Variants in DNAH14 observed in about 807,000 individuals in gnomAD.
DNAH14 encodes the protein dynein axonemal heavy chain 14.
DNAH14 carries 478 observed loss-of-function variants against 520.9 expected under a neutral mutation model. The ratio of observed to expected loss-of-function variants is 0.92; its 90% confidence interval spans 0.85 to 0.99. The LOEUF (loss-of-function observed/expected upper bound fraction) is 0.99, where lower values mean the gene tolerates loss of function less well. DNAH14 is among the 50% of genes least tolerant of loss of function. The probability of loss-of-function intolerance (pLI) is 0.00; values close to 1 mark genes in which losing one functional copy is unlikely to be tolerated. For missense variants in DNAH14, 4,831 were observed against 5,234.5 expected (o/e 0.92, Z 2.38); for synonymous variants, 1,581 against 1,757.2 (o/e 0.90, Z 2.51).
At chr1:225,382,303 A>T (rs1401630704) in intron 81 of DNAH14, among the ~76,000 whole-genome samples, 2 of 152,240 alleles carry the variant, frequency 1.3e-5, no homozygotes, top group Non-Finnish European at 2.9e-5. Flanking sequence ...ATGGGAATGA[A>T]AAATGGTGCA....
intron 9 of DNAH14, among the ~76,000 whole-genome samples, chr1:225,005,890 T>C (rs547907915): frequency 6.6e-6 from 1 of 152,256 alleles, no homozygotes; most frequent in Admixed American, 6.5e-5. Flanking sequence ...ATTTCTTCCT[T>C]ATAGATTCTG....
rs191127172 is a variant in DNAH14 at position 225,202,345 on chromosome 1, C to T, written c.5887-1838C>T. ...GGCTAGGCGTGTCTGAGCTCAGACT[C>T]TCCTTGGGCGGGTCTTGCTGTGGCT... On this transcript the variant is annotated intron_variant, in intron 38 of 85. Coordinates refer to ENST00000682510, the MANE Select transcript of DNAH14 (RefSeq NM_001367479.1). 3.4e-3 allele frequency among the ~76,000 whole-genome samples: 515 copies of T among 152,246 alleles called. 4 individuals are homozygous for T. Among genetic ancestry groups the T allele is most frequent in the African/African-American group, 0.012 (498 of 41,558 alleles).
Position 225,185,325 on chromosome 1 carries a change from G to T in DNAH14, c.5570G>T (p.Gly1857Val). Residue 1857 changes from glycine to valine, a missense_variant, in exon 37 of 86, where the codon GGT (glycine) becomes GTT (valine). Coordinates refer to ENST00000682510, the MANE Select transcript of DNAH14 (RefSeq NM_001367479.1). The stretch of plus-strand genomic sequence containing the variant: ...GGTGTGATGTTAGTGGGCCCAACAG[G>T]TGGAGGAAAGACAACAGTCAGAAGA... Reference protein sequence around the residue: ...CVGVMLVGPTGGGKTTVRRIL... With the variant: ...CVGVMLVGPTVGGKTTVRRIL... 5.2e-6 allele frequency: 8 copies of T among 1,546,966 alleles called. No homozygotes were observed. In the Admixed American group the frequency reaches 6.0e-5, roughly 12 times the overall value.
At chr1:225,308,081 TGA>T (rs1334666135) in intron 59 of DNAH14, among the ~76,000 whole-genome samples, 1 of 152,252 alleles carries the variant, frequency 6.6e-6, no homozygotes, top group Non-Finnish European at 1.5e-5. Flanking sequence ...GAGGCGCAGC[TGA>T]GAGCTGGCCA....
chr1:225,110,569 T>C (rs2148816012), intron 23 of DNAH14, among the ~76,000 whole-genome samples: 1 of 151,944 alleles, frequency 6.6e-6, no homozygotes, highest in Admixed American at 6.6e-5. Flanking sequence ...TCTTTCTTTT[T>C]TTTTCTTAGT....
chr1:225,023,083 T>C lies in DNAH14; in HGVS notation c.1108-532T>C, dbSNP rs533048082. Among the ~76,000 whole-genome samples the C allele has an allele frequency of 3.3e-5, 5 of 152,226 alleles. 1 individual carries two copies. The South Asian group carries it at 1.0e-3, about 32-fold the overall frequency. On this transcript the variant is annotated intron_variant, in intron 10 of 85. Transcript: ENST00000682510. ...GATGGGAACAACAGACACTGGAGAC[T>C]GCTTGAGGGAGGAGGGTGAGGGGAA... is the stretch of plus-strand genomic sequence containing the variant.
At chr1:225,329,873 A>C (rs1157811051) in intron 64 of DNAH14, among the ~76,000 whole-genome samples, 2 of 152,276 alleles carry the variant, frequency 1.3e-5, no homozygotes, top group East Asian at 3.9e-4. Context: ...TGGCCCACAG[A>C]ATAGGAGAAA....
rs1391270179 is a variant in DNAH14, at chr1:225,358,535, AGAAAGTTTATAACT to A, written c.11664_11677del (p.Phe3889AsnfsTer4). Reference sequence around the variant, plus strand: ...ACCAGAAAGTTTAAACAATTCAGTGAGAAAGTTTATAACTGAAAAAATGGGAAATAAGTATCTTC... The same window carrying A: ...ACCAGAAAGTTTAAACAATTCAGTGAGAAAAAATGGGAAATAAGTATCTTC... On this transcript the variant is annotated frameshift_variant, in exon 74 of 86. Coordinates refer to ENST00000682510, the MANE Select transcript of DNAH14 (RefSeq NM_001367479.1). LOFTEE classifies it high-confidence loss of function. 6.5e-7 allele frequency: 1 copy of A among 1,543,448 alleles called. No homozygotes were observed. Among genetic ancestry groups the A allele is most frequent in the Non-Finnish European group, 8.7e-7 (1 of 1,143,638 alleles).
chr1:224,994,459 A>G (rs1022874371), intron 8 of DNAH14, among the ~76,000 whole-genome samples: 5 of 152,044 alleles, frequency 3.3e-5, no homozygotes, highest in African/African-American at 1.2e-4. Flanking sequence ...TTTTTGACTT[A>G]AAGTCTATTT....
chr1:225,081,225 AG>A (rs2073078756), intron 19 of DNAH14, among the ~76,000 whole-genome samples: 1 of 152,210 alleles, frequency 6.6e-6, no homozygotes, highest in Non-Finnish European at 1.5e-5. Context: ...CCTTTCCAAA[AG>A]GGATATTTTG....
rs575650922 is a variant in DNAH14 at position 225,255,797 on chromosome 1, C to A, written c.6866-2163C>A. ...AATAAAGGTATATATTCTCAGACAG[C>A]CATGCTTACCATTTATAAAGAAATA... On this transcript the variant is annotated intron_variant, in intron 44 of 85. Transcript: ENST00000682510. Among the ~76,000 whole-genome samples the A allele has an allele frequency of 7.1e-4, 108 of 152,152 alleles. 1 individual carries two copies. Among genetic ancestry groups the A allele is most frequent in the African/African-American group, 2.5e-3 (105 of 41,538 alleles).
At chr1:225,242,243 AT>A (rs149318224) in intron 43 of DNAH14, among the ~76,000 whole-genome samples, 2,227 of 151,692 alleles carry the variant, frequency 0.015, 46 homozygotes, top group East Asian at 0.05. Context: ...CAAAAAAAAA[AT>A]TTTTTTTCTT....
intron 23 of DNAH14, among the ~76,000 whole-genome samples, chr1:225,111,623 C>G (rs568956197): frequency 2.9e-4 from 44 of 151,962 alleles, no homozygotes; most frequent in African/African-American, 1.0e-3. Context: ...GGTCCATTTA[C>G]ATTCAGTGTT....
intron 56 of DNAH14, 48 bp from the exon 57 acceptor site, chr1:225,303,108 A>T (rs1174675738): frequency 7.0e-6 from 9 of 1,282,240 alleles, no homozygotes; most frequent in Non-Finnish European, 8.4e-6. Context: ...ATATTTTTTC[A>T]AAACAGTGGA....
chr1:224,964,024 T>G (rs1444243475), intron 4 of DNAH14, among the ~76,000 whole-genome samples: 1 of 152,098 alleles, frequency 6.6e-6, no homozygotes, highest in Non-Finnish European at 1.5e-5. Flanking sequence ...AAGAGACTCT[T>G]TCAAGAAGGA....
Position 225,252,345 on chromosome 1 carries a change from G to T in DNAH14, c.6793G>T (p.Val2265Leu). ...TGECSIFGYF[V>L]DIEQCEFIPW... ...TGAATGTTCCATCTTTGGATATTTTGTGGATATAGAGCAATGTGAATTCAT... is the reference window on the plus strand; with the variant it reads ...TGAATGTTCCATCTTTGGATATTTTTTGGATATAGAGCAATGTGAATTCAT... The change falls in exon 44 of 86, where the codon GTG becomes TTG. Residue 2265 changes from valine to leucine, a missense_variant. Transcript: ENST00000682510. 1 of 1,549,948 alleles carries T rather than the reference G, an allele frequency of 6.5e-7. No homozygotes were observed. The highest frequency in any genetic ancestry group is 1.4e-5 in the African/African-American group (1 of 73,096).
intron 43 of DNAH14, among the ~76,000 whole-genome samples, chr1:225,244,505 TATTA>T (rs1424409578): frequency 6.6e-6 from 1 of 152,192 alleles, no homozygotes; most frequent in Non-Finnish European, 1.5e-5. Context: ...GTTGGTAGGT[TATTA>T]ATTATTGCCT....
chr1:225,064,666 G>A (rs2070627536), intron 17 of DNAH14, among the ~76,000 whole-genome samples: 1 of 151,828 alleles, frequency 6.6e-6, no homozygotes, highest in South Asian at 2.1e-4. Flanking sequence ...ACACAAAGGA[G>A]TACCTACTAT....
At chr1:225,276,756 C>T (rs76382354) in intron 53 of DNAH14, among the ~76,000 whole-genome samples, 5 of 150,862 alleles carry the variant, frequency 3.3e-5, no homozygotes, top group Non-Finnish European at 7.4e-5. Context: ...TGCACACACA[C>T]AAAAATTTAA....
Sources: gnomAD v4.1 joint callset for allele counts (sites outside exome capture counted in the v4.1 genomes callset) on GRCh38, gnomAD v4.1.1 for gene constraint, MANE v1.5 for transcripts, NCBI Gene and HGNC (gene_info 2026-07-23, HGNC 2026-07-21) for gene names.